The following RANBP17 variants were observed in gnomAD, a reference collection of about 807,000 sequenced individuals.
RANBP17 encodes the protein RAN binding protein 17.
Under a neutral mutation model 141.2 loss-of-function variants are expected in RANBP17, and 158 were observed. That is an observed-to-expected ratio of 1.12 (90% confidence interval 0.98 to 1.28). The LOEUF is 1.28. RANBP17 is among the 50% of genes most tolerant of loss of function. The probability of loss-of-function intolerance (pLI) is 0.00; values close to 1 mark genes in which losing one functional copy is unlikely to be tolerated. For synonymous variants in RANBP17, 430 were observed against 450.0 expected, an observed-to-expected ratio of 0.96 and a Z score of 0.56; for missense variants, 1,438 against 1,290.7, an observed-to-expected ratio of 1.11 and a Z score of -1.75.
At chr5:170,999,970 A>G (rs564195227) in intron 14 of RANBP17, among the ~76,000 whole-genome samples, 1 of 152,318 alleles carries the variant, frequency 6.6e-6, no homozygotes, top group African/African-American at 2.4e-5. Flanking sequence ...AACCCTAGGT[A>G]CTTCATGTAA....
intron 24 of RANBP17, among the ~76,000 whole-genome samples, chr5:171,244,635 T>TA (rs932128789): frequency 2.6e-5 from 4 of 151,992 alleles, no homozygotes; most frequent in Non-Finnish European, 5.9e-5. Context: ...TTAGTAGAGA[T>TA]AGGGTTTTGC....
At chr5:171,116,254 C>A (rs903736158) in intron 14 of RANBP17, among the ~76,000 whole-genome samples, 3 of 151,772 alleles carry the variant, frequency 2.0e-5, no homozygotes, top group Non-Finnish European at 2.9e-5. Context: ...ATGAAATATT[C>A]CTGACTGGTA....
intron 19 of RANBP17, among the ~76,000 whole-genome samples, chr5:171,205,193 A>G (rs1762503006): frequency 6.6e-6 from 1 of 151,880 alleles, no homozygotes; most frequent in South Asian, 2.1e-4. Flanking sequence ...TAATGTCTAG[A>G]CCCTGTACAT....
chr5:171,197,266 C>G (rs1561754103), intron 18 of RANBP17, among the ~76,000 whole-genome samples: 2 of 152,162 alleles, frequency 1.3e-5, no homozygotes, highest in Non-Finnish European at 2.9e-5. Flanking sequence ...ATGCCAGGCT[C>G]TATTCTGTGC....
At chr5:171,074,534 T>C (rs1394967185) in intron 14 of RANBP17, among the ~76,000 whole-genome samples, 2 of 152,184 alleles carry the variant, frequency 1.3e-5, no homozygotes, top group African/African-American at 4.8e-5. Flanking sequence ...TTATGGAAGA[T>C]GCTAACGTTA....
At chr5:171,268,345 C>T (rs900776584) in intron 25 of RANBP17, among the ~76,000 whole-genome samples, 5 of 152,248 alleles carry the variant, frequency 3.3e-5, no homozygotes, top group African/African-American at 1.2e-4. Context: ...CCCCATTTTA[C>T]AGATGAATAA....
At chr5:171,219,341 A>C (rs373793478) in intron 21 of RANBP17, among the ~76,000 whole-genome samples, 1 of 151,828 alleles carries the variant, frequency 6.6e-6, no homozygotes, top group Admixed American at 6.6e-5. Flanking sequence ...CTTCGTTTCA[A>C]CCTTGGAGAA....
chr5:170,886,012 C>T (rs1411698486), intron 3 of RANBP17, among the ~76,000 whole-genome samples: 1 of 152,034 alleles, frequency 6.6e-6, no homozygotes, highest in African/African-American at 2.4e-5. Context: ...TGATGGCTCT[C>T]ATGGCTTTTT....
chr5:170,933,221 G>A (rs148219470), intron 12 of RANBP17, among the ~76,000 whole-genome samples: 4,412 of 152,256 alleles, frequency 0.029, 215 homozygotes, highest in African/African-American at 0.098. Context: ...AGTATTCTCT[G>A]ATGGTAGTCT....
rs1275626785 is a variant in RANBP17, at chr5:171,213,697, A to C, written c.2298A>C (p.Thr766=). Reference sequence around the variant, plus strand: ...GGTGGTATGGAGAGCCAACATGTACAACTCCCATCTTGAAACTTATGGCAG... The same window carrying C: ...GGTGGTATGGAGAGCCAACATGTACCACTCCCATCTTGAAACTTATGGCAG... ...VERWYGEPTC[T]TPILKLMAEL... is the part of the protein sequence containing the mutation. Residue 766 remains threonine (T), a synonymous_variant, in exon 21 of 28, where the codon ACA becomes ACC. Transcript: ENST00000523189. The C allele has an allele frequency of 2.5e-6, 4 of 1,613,794 alleles. No individual in the cohort carries two copies. In the East Asian group the frequency reaches 6.7e-5, roughly 27 times the overall value.
intron 14 of RANBP17, among the ~76,000 whole-genome samples, chr5:171,147,817 T>C (rs1161767736): frequency 6.6e-6 from 1 of 151,956 alleles, no homozygotes; most frequent in African/African-American, 2.4e-5. Context: ...ACGTGAGGGG[T>C]GCCTCTGCCC....
At chr5:171,292,512 A>G (rs1472728446) in intron 25 of RANBP17, among the ~76,000 whole-genome samples, 1 of 152,214 alleles carries the variant, frequency 6.6e-6, no homozygotes, top group Non-Finnish European at 1.5e-5. Context: ...TTGGATTTCA[A>G]AAAATACCAG....
chr5:170,970,535 A>G (rs1272353687), intron 14 of RANBP17: 2 of 152,138 alleles, frequency 1.3e-5, no homozygotes, highest in Non-Finnish European at 2.9e-5. Context: ...AGGTATTAGA[A>G]GAAAATGTTT....
chr5:171,029,878 T>C (rs1781447922), intron 14 of RANBP17, among the ~76,000 whole-genome samples: 1 of 152,128 alleles, frequency 6.6e-6, no homozygotes. Context: ...TAAATTAGTT[T>C]AAGTCTTACA....
chr5:171,251,090 A>C (rs1211932234), intron 24 of RANBP17, among the ~76,000 whole-genome samples: 1 of 152,190 alleles, frequency 6.6e-6, no homozygotes, highest in Non-Finnish European at 1.5e-5. Context: ...AACAGGTCTC[A>C]ACAAAAATTT....
At chr5:170,896,218 C>A in intron 5 of RANBP17, 103 bp downstream of exon 5, 1 of 755,220 alleles carries the variant, frequency 1.3e-6, no homozygotes, top group Non-Finnish European at 2.2e-6. Context: ...CATTTTGTGG[C>A]ATAAAACTCT....
At chr5:171,117,328 AT>A (rs890102790) in intron 14 of RANBP17, among the ~76,000 whole-genome samples, 10 of 151,658 alleles carry the variant, frequency 6.6e-5, no homozygotes, top group South Asian at 4.2e-4. Flanking sequence ...TCCCACCAGC[AT>A]TTTTTTTGCT....
At chr5:171,048,105 C>T (rs1459974673) in intron 14 of RANBP17, among the ~76,000 whole-genome samples, 2 of 152,130 alleles carry the variant, frequency 1.3e-5, no homozygotes, top group African/African-American at 4.8e-5. Context: ...GATAGAGTCT[C>T]ATCCTGGAGT....
At chr5:171,269,404 G>A (rs1272179930) in intron 25 of RANBP17, among the ~76,000 whole-genome samples, 2 of 152,194 alleles carry the variant, frequency 1.3e-5, no homozygotes, top group Non-Finnish European at 2.9e-5. Context: ...GAGTCGGCTG[G>A]ACTGAACGGA....
Sources: allele counts gnomAD v4.1 joint callset (sites outside exome capture counted in the v4.1 genomes callset), GRCh38; gene constraint gnomAD v4.1.1; transcripts MANE v1.5; gene names NCBI Gene and HGNC (gene_info 2026-07-23, HGNC 2026-07-21).